Variants in TNIK observed in about 807,000 individuals in gnomAD.
TNIK encodes TRAF2 and NCK interacting kinase.
Under a neutral mutation model 191.3 loss-of-function variants are expected in TNIK, and 49 were observed. That is an observed-to-expected ratio of 0.26 (90% CI 0.20 to 0.32). The LOEUF (loss-of-function observed/expected upper bound fraction) is 0.32. Among genes scored for constraint, TNIK ranks in the 10% least tolerant of loss-of-function variants. The pLI, the probability that TNIK is intolerant of heterozygous loss-of-function variation, is 1.00. For synonymous variants in TNIK, 594 were observed against 600.9 expected (o/e 0.99, Z 0.17); for missense variants, 1,155 against 1,702.3 (o/e 0.68, Z 5.66).
intron 3 of TNIK, 45 bp downstream of exon 3, chr3:171,228,120 G>A: frequency 1.2e-6 from 2 of 1,603,766 alleles, no homozygotes; most frequent in African/African-American, 1.3e-5. Context: ...CATAAGTCAA[G>A]GAGCATCTGC....
chr3:171,322,001 G>T (rs1023656462), intron 2 of TNIK, among the ~76,000 whole-genome samples: 1 of 152,152 alleles, frequency 6.6e-6, no homozygotes, highest in Admixed American at 6.5e-5. Flanking sequence ...AGTCAGAAAT[G>T]TATTCTAAAA....
At chr3:171,120,351 T>C (rs1388748698) in intron 18 of TNIK, among the ~76,000 whole-genome samples, 2 of 149,526 alleles carry the variant, frequency 1.3e-5, no homozygotes, top group East Asian at 3.9e-4. Flanking sequence ...GATGGAGTCT[T>C]GCTCTGTTGC....
chr3:171,109,825 GAAACT>G (rs1293221139), intron 19 of TNIK, among the ~76,000 whole-genome samples: 1 of 152,048 alleles, frequency 6.6e-6, no homozygotes, highest in Non-Finnish European at 1.5e-5. Flanking sequence ...CCCATTACTG[GAAACT>G]AAACAATGAT....
intron 2 of TNIK, among the ~76,000 whole-genome samples, chr3:171,293,294 C>T (rs763658798): frequency 2.0e-4 from 30 of 152,292 alleles, no homozygotes; most frequent in African/African-American, 6.7e-4. Flanking sequence ...TTTTACTCCA[C>T]GCCTACAAGA....
chr3:171,373,869 G>A (rs973435768), intron 1 of TNIK, among the ~76,000 whole-genome samples: 6 of 152,218 alleles, frequency 3.9e-5, no homozygotes, highest in Admixed American at 1.3e-4. Flanking sequence ...TTAAATCAGC[G>A]TCACTGCCTC....
intron 4 of TNIK, among the ~76,000 whole-genome samples, chr3:171,196,079 G>GA (rs1738638237): frequency 6.6e-6 from 1 of 152,046 alleles, no homozygotes; most frequent in Non-Finnish European, 1.5e-5. Context: ...GGCACTGTTA[G>GA]AAAAAAATAA....
intron 23 of TNIK, 137 bp downstream of exon 23, chr3:171,093,702 T>G (rs2108416961): frequency 1.8e-6 from 2 of 1,129,730 alleles, no homozygotes; most frequent in African/African-American, 3.2e-5. Flanking sequence ...ACTCAACTAT[T>G]TGGAAGCACA....
At chr3:171,416,907 T>C (rs1723161906) in intron 1 of TNIK, among the ~76,000 whole-genome samples, 1 of 152,232 alleles carries the variant, frequency 6.6e-6, no homozygotes, top group Admixed American at 6.5e-5. Context: ...TCCCTGGCAG[T>C]AGAAATGATA....
At chr3:171,177,302 T>G (rs767309101) in intron 8 of TNIK, 24 bp downstream of exon 8, 2 of 1,599,616 alleles carry the variant, frequency 1.3e-6, no homozygotes, top group Admixed American at 3.4e-5. Flanking sequence ...AGCAACAGAT[T>G]TCACCCCAGA....
intron 8 of TNIK, among the ~76,000 whole-genome samples, chr3:171,176,140 G>T (rs968210810): frequency 6.6e-6 from 1 of 152,102 alleles, no homozygotes; most frequent in Admixed American, 6.5e-5. Context: ...GGATTCTGTG[G>T]GCAGAAGTTT....
chr3:171,139,948 G>T (rs73169775), intron 13 of TNIK, among the ~76,000 whole-genome samples: 1 of 152,216 alleles, frequency 6.6e-6, no homozygotes, highest in African/African-American at 2.4e-5. Flanking sequence ...ATGCCATCGT[G>T]CACTGTCTTT....
In TNIK at chr3:171,140,483, C is replaced by T; in HGVS notation, c.1248G>A (p.Arg416=). Residue 416 remains arginine (R), a synonymous_variant, in exon 13 of 33, where the codon CGG becomes CGA. Coordinates refer to ENST00000436636, the MANE Select transcript of TNIK (RefSeq NM_015028.4). ...EEQQRREKEL[R]KQQEREQRRH... ...GGCGCTGCTCCCTCTCCTGCTGCTTCCGCAGCTCCTTCTCTCGCCTTTGTT... is the reference window on the plus strand; with the variant it reads ...GGCGCTGCTCCCTCTCCTGCTGCTTTCGCAGCTCCTTCTCTCGCCTTTGTT... The T allele has an allele frequency of 1.2e-6, 2 of 1,613,566 alleles. No individual in the cohort carries two copies. Among genetic ancestry groups the T allele is most frequent in the South Asian group, 1.1e-5 (1 of 91,078 alleles).
chr3:171,244,316 C>A (rs1167648565), intron 2 of TNIK, among the ~76,000 whole-genome samples: 1 of 152,072 alleles, frequency 6.6e-6, no homozygotes, highest in African/African-American at 2.4e-5. Context: ...CCACCCACCT[C>A]GGCCTCCCAA....
At position 171,264,105 on chromosome 3, in the gene TNIK, CACACACATATAT is replaced by C. The variant is rs781303698; in HGVS notation, c.124-35896_124-35885del. ...ACACACACACACACACACACACACA[CACACACATATAT>C]ATATATATATATATACACCCCTTAC... On this transcript the variant is annotated intron_variant, in intron 2 of 32. Coordinates refer to ENST00000436636, the MANE Select transcript of TNIK (RefSeq NM_015028.4). Among the ~76,000 whole-genome samples the C allele has an allele frequency of 1.6e-3, 113 of 68,524 alleles. 1 individual carries two copies. The highest frequency in any genetic ancestry group is 2.4e-3 in the South Asian group (7 of 2,880). The allele number at this position is 68,524 out of a possible 152,430, so 45.0% of individuals were successfully genotyped here.
intron 16 of TNIK, 36 bp downstream of exon 16, chr3:171,128,678 T>C (rs762457795): frequency 6.3e-7 from 1 of 1,579,254 alleles, no homozygotes. Flanking sequence ...TTGTGCAACT[T>C]ATTGGAATGC....
chr3:171,345,368 G>A (rs540852386), intron 2 of TNIK, among the ~76,000 whole-genome samples: 9 of 152,192 alleles, frequency 5.9e-5, no homozygotes, highest in African/African-American at 2.2e-4. Context: ...AGGACTCAAT[G>A]CAAGAGCAGG....
chr3:171,152,657 T>G (rs531273912), intron 12 of TNIK, among the ~76,000 whole-genome samples: 15 of 152,264 alleles, frequency 9.9e-5, no homozygotes, highest in African/African-American at 3.6e-4. Context: ...GTCTTTTCAC[T>G]CCAAGTGCAG....
In TNIK at chr3:171,460,082, G is replaced by GAAATGGACC. The variant is rs1729293473; in HGVS notation, c.-28_-20dup. On this transcript the variant is annotated 5_prime_UTR_variant, in exon 1 of 33. Transcript: ENST00000436636. The surrounding 1 kb of genome is among the most constrained non-coding windows in gnomAD (Gnocchi z 6.8). ...TCGCCATGTCTACTTCTTCGCTGGA[G>GAAATGGACC]AAATGGACCAAAACCACCCCGAAGC... 1.3e-6 allele frequency: 2 copies of GAAATGGACC among 1,599,374 alleles called. No homozygotes were observed. Among genetic ancestry groups the GAAATGGACC allele is most frequent in the African/African-American group, 2.7e-5 (2 of 74,722 alleles).
At chr3:171,343,295 T>C (rs1711596290) in intron 2 of TNIK, among the ~76,000 whole-genome samples, 1 of 152,194 alleles carries the variant, frequency 6.6e-6, no homozygotes, top group African/African-American at 2.4e-5. Context: ...TACTTCAATA[T>C]GATGTAATGA....
Sources: gnomAD v4.1 joint callset for allele counts (sites outside exome capture counted in the v4.1 genomes callset) on GRCh38, gnomAD v4.1.1 for gene constraint, Gnocchi (gnomAD v3.1) non-coding constraint, MANE v1.5 for transcripts, NCBI Gene and HGNC (gene_info 2026-07-23, HGNC 2026-07-21) for gene names.